The following CMSS1 variants were observed in gnomAD, a reference collection of about 807,000 sequenced individuals.
CMSS1 encodes the protein protein CMSS1.
A neutral mutation model predicts 43.5 loss-of-function variants in CMSS1; 33 were observed. The ratio of observed to expected loss-of-function variants is 0.76; its 90% confidence interval spans 0.57 to 1.01. CMSS1 has a LOEUF of 1.01. Among genes scored for constraint, CMSS1 ranks in the 50% least tolerant of loss-of-function variants. The pLI is 0.00. For missense variants in CMSS1, 313 were observed against 326.4 expected (o/e 0.96, Z 0.32); for synonymous variants, 115 against 117.2 (o/e 0.98, Z 0.12).
intron 1 of CMSS1, among the ~76,000 whole-genome samples, chr3:100,104,050 C>G (rs1193024118): frequency 6.6e-6 from 1 of 152,188 alleles, no homozygotes; most frequent in Non-Finnish European, 1.5e-5. Context: ...ATTGGGGCTT[C>G]TAGCCATCCA....
intron 1 of CMSS1, among the ~76,000 whole-genome samples, chr3:99,939,041 C>T (rs546835733): frequency 1.3e-5 from 2 of 152,236 alleles, no homozygotes; most frequent in South Asian, 4.1e-4. Flanking sequence ...CCTTGTAGGG[C>T]ATAGACAAGT....
chr3:100,162,342 C>T lies in CMSS1; in HGVS notation c.265C>T (p.Pro89Ser). The T allele has an allele frequency of 6.2e-7, 1 of 1,612,864 alleles. No homozygotes were observed. Among genetic ancestry groups the T allele is most frequent in the South Asian group, 1.1e-5 (1 of 90,948 alleles). ...TGTTCTTGCAAAATCAGAACCAAAA[C>T]CAGGGTTACCTGAAGACCTACAGAA... ...TDVLAKSEPK[P>S]GLPEDLQKLM... Residue 89 changes from proline (P) to serine (S), a missense_variant, in exon 4 of 10, where the codon CCA becomes TCA. Pro to Ser is a moderately conservative substitution (Grantham distance 74, BLOSUM62 -1). Coordinates refer to ENST00000421999, the MANE Select transcript of CMSS1 (RefSeq NM_032359.4).
At chr3:99,884,355 C>A (rs1181101262) in intron 1 of CMSS1, among the ~76,000 whole-genome samples, 1 of 152,078 alleles carries the variant, frequency 6.6e-6, no homozygotes, top group African/African-American at 2.4e-5. Flanking sequence ...AAAATCCTAC[C>A]ACACCATGTT....
intron 1 of CMSS1, among the ~76,000 whole-genome samples, chr3:100,108,938 G>A (rs527273529): frequency 4.6e-5 from 7 of 152,042 alleles, no homozygotes; most frequent in East Asian, 3.9e-4. Context: ...GGCCAGTTTC[G>A]CAACATGGCA....
intron 1 of CMSS1, chr3:99,850,577 C>T: frequency 1.2e-6 from 2 of 1,613,774 alleles, no homozygotes; most frequent in Non-Finnish European, 1.7e-6. Context: ...GCCATGATAC[C>T]AGCGTTTCCA....
In CMSS1 at chr3:99,922,995, ATTATT is replaced by A. The variant is rs369975486; in HGVS notation, c.64+104954_64+104958del. On this transcript the variant is annotated intron_variant, in intron 1 of 9. Transcript: ENST00000421999. ...CCTGGGACATTTCATTCTTTTCTGCATTATTTGGTGCTATTTGACTGTTCACTCTC... is the reference window on the plus strand; with the variant it reads ...CCTGGGACATTTCATTCTTTTCTGCATGGTGCTATTTGACTGTTCACTCTC... Among the ~76,000 whole-genome samples, 42 of 151,954 alleles carry A rather than the reference ATTATT, an allele frequency of 2.8e-4. No individual in the cohort carries two copies. The East Asian group carries it at 6.6e-3, about 24-fold the overall frequency.
At chr3:100,124,996 CT>C (rs1289300114) in intron 1 of CMSS1, among the ~76,000 whole-genome samples, 1 of 152,150 alleles carries the variant, frequency 6.6e-6, no homozygotes, top group African/African-American at 2.4e-5. Context: ...TGTTTATTCT[CT>C]GTATTTTAGA....
At chr3:99,997,489 C>T (rs1452077468) in intron 1 of CMSS1, among the ~76,000 whole-genome samples, 3 of 152,120 alleles carry the variant, frequency 2.0e-5, no homozygotes, top group Non-Finnish European at 2.9e-5. Flanking sequence ...CTTTCTGATA[C>T]CCCAGTGGTT....
chr3:99,960,595 C>G (rs1708461696), intron 1 of CMSS1, among the ~76,000 whole-genome samples: 1 of 152,338 alleles, frequency 6.6e-6, no homozygotes, highest in African/African-American at 2.4e-5. Context: ...TTCTATCCCT[C>G]CCTCCTACAG....
In CMSS1 at chr3:100,065,310, C is replaced by T. The variant is rs1305444886; in HGVS notation, c.65-81663C>T. On this transcript the variant is annotated intron_variant, in intron 1 of 9. Transcript: ENST00000421999. ...TCCTGCTATAGTTTGAGAACCATTG[C>T]TCTAAATTGCAATTCTCAGGCCAAT... 7.2e-5 allele frequency among the ~76,000 whole-genome samples: 11 copies of T among 152,238 alleles called. No homozygotes were observed. In the South Asian group the frequency reaches 1.2e-3, roughly 17 times the overall value.
At chr3:100,141,837 G>C (rs932171046) in intron 1 of CMSS1, among the ~76,000 whole-genome samples, 1 of 152,130 alleles carries the variant, frequency 6.6e-6, no homozygotes, top group African/African-American at 2.4e-5. Context: ...CACTTAACTG[G>C]CTGAATCAAC....
intron 1 of CMSS1, among the ~76,000 whole-genome samples, chr3:99,922,762 A>C (rs1707164354): frequency 6.6e-6 from 1 of 152,206 alleles, no homozygotes; most frequent in African/African-American, 2.4e-5. Flanking sequence ...GTAGAACAAA[A>C]TAATCTACCC....
chr3:99,932,197 G>A (rs1200876179), intron 1 of CMSS1, among the ~76,000 whole-genome samples: 1 of 152,050 alleles, frequency 6.6e-6, no homozygotes, highest in Non-Finnish European at 1.5e-5. Flanking sequence ...TCCCACTCCA[G>A]AAGTAACCAC....
intron 1 of CMSS1, among the ~76,000 whole-genome samples, chr3:99,949,082 A>T (rs900244791): frequency 6.6e-6 from 1 of 152,174 alleles, no homozygotes; most frequent in African/African-American, 2.4e-5. Context: ...TTGGTGAGTA[A>T]ATTCCAAAAA....
chr3:100,137,070 A>G (rs2066762104), intron 1 of CMSS1, among the ~76,000 whole-genome samples: 1 of 152,186 alleles, frequency 6.6e-6, no homozygotes, highest in Non-Finnish European at 1.5e-5. Context: ...GGATATGGGA[A>G]TTGTGTTCTT....
intron 1 of CMSS1, among the ~76,000 whole-genome samples, chr3:99,863,055 G>A (rs1403295323): frequency 5.9e-5 from 9 of 152,104 alleles, no homozygotes; most frequent in South Asian, 2.1e-4. Context: ...CTTAGGCAGC[G>A]GTCCCCAACC....
intron 5 of CMSS1, among the ~76,000 whole-genome samples, chr3:100,167,377 G>T (rs1397234286): frequency 6.6e-6 from 1 of 152,178 alleles, no homozygotes; most frequent in Admixed American, 6.5e-5. Flanking sequence ...TATGTTGAAT[G>T]TCCCTTTAAA....
chr3:99,849,245 CAGGTGG>C, intron 1 of CMSS1: 17 of 1,614,158 alleles, frequency 1.1e-5, no homozygotes, highest in Non-Finnish European at 1.4e-5. Context: ...CTCTTGTAAT[CAGGTGG>C]TTCATTGTCT....
intron 1 of CMSS1, among the ~76,000 whole-genome samples, chr3:100,099,940 A>ACTT (rs2066276392): frequency 2.0e-5 from 3 of 152,212 alleles, no homozygotes; most frequent in African/African-American, 7.2e-5. Context: ...AGTGTTATAA[A>ACTT]GATCATCCAT....
Sources: gnomAD v4.1 joint callset for allele counts (sites outside exome capture counted in the v4.1 genomes callset) on GRCh38, gnomAD v4.1.1 for gene constraint, MANE v1.5 for transcripts, NCBI Gene and HGNC (gene_info 2026-07-23, HGNC 2026-07-21) for gene names.